MCF2L2: variants seen among roughly 807,000 people sequenced by gnomAD.
MCF2L2 encodes the protein MCF.2 cell line derived transforming sequence-like 2.
Under a neutral mutation model 150.2 loss-of-function variants are expected in MCF2L2, and 102 were observed. The observed-to-expected ratio is 0.68, with a 90% CI of 0.58 to 0.80. The LOEUF (loss-of-function observed/expected upper bound fraction) is 0.80, where lower values mean the gene tolerates loss of function less well. MCF2L2 is among the 30% of genes least tolerant of loss of function. The probability of loss-of-function intolerance (pLI) is 0.00; values close to 1 mark genes in which losing one functional copy is unlikely to be tolerated. For missense variants in MCF2L2, 1,256 were observed against 1,372.8 expected (o/e 0.91, Z 1.34); for synonymous variants, 465 against 491.3 (o/e 0.95, Z 0.71).
intron 15 of MCF2L2, among the ~76,000 whole-genome samples, chr3:183,274,660 A>G (rs911016229): frequency 6.6e-6 from 1 of 152,190 alleles, no homozygotes; most frequent in Non-Finnish European, 1.5e-5. Flanking sequence ...TTAATGACCT[A>G]TATTTGGGGA....
chr3:183,233,077 A>C (rs926847058), intron 15 of MCF2L2, among the ~76,000 whole-genome samples: 3 of 152,176 alleles, frequency 2.0e-5, no homozygotes, highest in African/African-American at 7.2e-5. Context: ...TGGGCCGGGC[A>C]TGGTGGTTCA....
chr3:183,404,600 C>T (rs1221841236), intron 1 of MCF2L2, among the ~76,000 whole-genome samples: 5 of 152,340 alleles, frequency 3.3e-5, no homozygotes, highest in African/African-American at 1.2e-4. Context: ...TGGTGGCTCA[C>T]GCCTGTAATC....
At chr3:183,302,772 G>A (rs1169569446) in intron 10 of MCF2L2, among the ~76,000 whole-genome samples, 3 of 152,056 alleles carry the variant, frequency 2.0e-5, no homozygotes, top group Non-Finnish European at 2.9e-5. Flanking sequence ...GCGCTTCCCT[G>A]GCGACTATAT....
rs145579368 is a variant in MCF2L2 at position 183,219,305 on chromosome 3, T to C, written c.2370+551A>G. On this transcript the variant is annotated intron_variant, in intron 21 of 29. Transcript: ENST00000328913. Reference sequence around the variant, plus strand: ...GTATGCATTTTACGTATTTGCTTAATTTTGTTCCCATTAAAATTTTTTTGG... The same window carrying C: ...GTATGCATTTTACGTATTTGCTTAACTTTGTTCCCATTAAAATTTTTTTGG... 1.4e-4 allele frequency among the ~76,000 whole-genome samples: 21 copies of C among 152,340 alleles called. No homozygotes were observed. In the East Asian group the frequency reaches 4.0e-3, roughly 29 times the overall value.
rs372015806 is a variant in MCF2L2, at chr3:183,192,998, C to T, written c.3016+1G>A. 2 of 1,613,212 alleles carry T rather than the reference C, an allele frequency of 1.2e-6. No homozygotes were observed. Among genetic ancestry groups the T allele is most frequent in the African/African-American group, 1.3e-5 (1 of 74,930 alleles). ...CCACTCTCCCATGGGACCCTCCCTA[C>T]CTTTAATCCCTCCTGTGCTGGAGGC... On this transcript the variant is annotated splice_donor_variant, in intron 27 of 29. Coordinates refer to ENST00000328913, the MANE Select transcript of MCF2L2 (RefSeq NM_015078.4). LOFTEE classifies it high-confidence loss of function.
At chr3:183,301,328 T>A (rs555614485) in intron 10 of MCF2L2, among the ~76,000 whole-genome samples, 8 of 152,218 alleles carry the variant, frequency 5.3e-5, no homozygotes, top group African/African-American at 1.7e-4. Flanking sequence ...ACAGAGGCAA[T>A]AAACAAGTGC....
At chr3:183,316,985 C>A (rs914044558) in intron 7 of MCF2L2, among the ~76,000 whole-genome samples, 2 of 152,150 alleles carry the variant, frequency 1.3e-5, no homozygotes, top group African/African-American at 2.4e-5. Flanking sequence ...GGATTACAGG[C>A]GTGAACCAAC....
intron 3 of MCF2L2, among the ~76,000 whole-genome samples, chr3:183,344,559 C>T (rs759101653): frequency 6.6e-6 from 1 of 152,174 alleles, no homozygotes; most frequent in Non-Finnish European, 1.5e-5. Flanking sequence ...ATGACAGGAT[C>T]AAGTTCACAC....
chr3:183,239,005 A>G (rs1158499239), intron 15 of MCF2L2, among the ~76,000 whole-genome samples: 1 of 74,202 alleles, frequency 1.3e-5, no homozygotes, highest in East Asian at 3.8e-4. Context: ...CAAAAAAAAA[A>G]AAAAAAAAAA....
At chr3:183,188,449 G>A (rs1165812649) in intron 27 of MCF2L2, among the ~76,000 whole-genome samples, 4 of 152,134 alleles carry the variant, frequency 2.6e-5, no homozygotes, top group Non-Finnish European at 4.4e-5. Context: ...CTGCCTCTTG[G>A]GGGCACTTCA....
intron 14 of MCF2L2, among the ~76,000 whole-genome samples, chr3:183,288,167 G>A (rs1727900719): frequency 6.6e-6 from 1 of 152,194 alleles, no homozygotes; most frequent in South Asian, 2.1e-4. Context: ...ATTTTCAGGA[G>A]GTAGCTGTTG....
chr3:183,300,459 A>G (rs1285604143), intron 10 of MCF2L2, among the ~76,000 whole-genome samples: 2 of 152,240 alleles, frequency 1.3e-5, no homozygotes, highest in East Asian at 3.8e-4. Flanking sequence ...ATATAGTGTT[A>G]ACAAGCCCAA....
intron 13 of MCF2L2, among the ~76,000 whole-genome samples, chr3:183,293,869 A>G (rs1437006962): frequency 1.3e-5 from 2 of 151,858 alleles, no homozygotes; most frequent in African/African-American, 4.9e-5. Flanking sequence ...TTATAGGGTT[A>G]AAAAAATGTT....
At chr3:183,365,429 T>C (rs1251093946) in intron 3 of MCF2L2, among the ~76,000 whole-genome samples, 4 of 152,208 alleles carry the variant, frequency 2.6e-5, no homozygotes, top group Non-Finnish European at 4.4e-5. Flanking sequence ...TTTCACTAGA[T>C]ATTAAACAAC....
At chr3:183,299,805 G>A in intron 11 of MCF2L2, 200 bp downstream of exon 11, 1 of 548,804 alleles carries the variant, frequency 1.8e-6, no homozygotes. Context: ...GTGGTGGGAT[G>A]GCCAGAGCAC....
chr3:183,291,983 G>A (rs988634304), intron 13 of MCF2L2, among the ~76,000 whole-genome samples: 1 of 152,222 alleles, frequency 6.6e-6, no homozygotes, highest in African/African-American at 2.4e-5. Flanking sequence ...GAAAGGTCAA[G>A]AGAACCAAGT....
chr3:183,294,096 G>A (rs528303843), intron 13 of MCF2L2, among the ~76,000 whole-genome samples: 1 of 152,180 alleles, frequency 6.6e-6, no homozygotes, highest in Non-Finnish European at 1.5e-5. Context: ...CAATGAAAAG[G>A]ACCTAAAATA....
intron 19 of MCF2L2, 73 bp from the exon 20 acceptor site, chr3:183,223,511 G>A: frequency 1.7e-6 from 2 of 1,158,012 alleles, no homozygotes; most frequent in Non-Finnish European, 2.6e-6. Flanking sequence ...CAGCATTTAG[G>A]TACAAAACAC....
At chr3:183,361,034 AG>A in intron 3 of MCF2L2, among the ~76,000 whole-genome samples, 1 of 150,860 alleles carries the variant, frequency 6.6e-6, no homozygotes, top group African/African-American at 2.5e-5. Flanking sequence ...AGAAAAGAAA[AG>A]GAAGAAAGGA....
Sources: allele counts gnomAD v4.1 joint callset (sites outside exome capture counted in the v4.1 genomes callset), GRCh38; gene constraint gnomAD v4.1.1; transcripts MANE v1.5; gene names NCBI Gene and HGNC (gene_info 2026-07-23, HGNC 2026-07-21).